Variants in FRS2 observed in about 807,000 individuals in gnomAD.
FRS2 encodes the protein FGFR signalling adaptor.
A neutral mutation model predicts 43.9 loss-of-function variants in FRS2; 8 were observed. That is an observed-to-expected ratio of 0.18 (90% CI 0.11 to 0.33). FRS2 has a LOEUF of 0.33. Ranked by LOEUF, FRS2 falls within the 10% of genes least tolerant of loss-of-function variation. The pLI, the probability that FRS2 is intolerant of heterozygous loss-of-function variation, is 1.00. For synonymous variants in FRS2, 219 were observed against 220.3 expected (o/e 0.99, Z 0.05); for missense variants, 534 against 627.6 (o/e 0.85, Z 1.59).
At chr12:69,488,135 C>T (rs1325923865) in intron 1 of FRS2, among the ~76,000 whole-genome samples, 1 of 152,170 alleles carries the variant, frequency 6.6e-6, no homozygotes, top group Non-Finnish European at 1.5e-5. Context: ...GTTGATAAAG[C>T]AGTGACAGGG....
chr12:69,495,483 C>T (rs998308182), intron 1 of FRS2, among the ~76,000 whole-genome samples: 2 of 152,048 alleles, frequency 1.3e-5, no homozygotes, highest in Non-Finnish European at 2.9e-5. Context: ...TAAATATTTC[C>T]TTGTTGTATG....
intron 1 of FRS2, among the ~76,000 whole-genome samples, chr12:69,481,807 T>C (rs963794806): frequency 6.6e-6 from 1 of 152,194 alleles, no homozygotes; most frequent in African/African-American, 2.4e-5. Context: ...AGTCAGGTTA[T>C]GTTTAGTCAG....
chr12:69,572,192 C>A lies in FRS2; in HGVS notation c.487C>A (p.Pro163Thr). The change falls in exon 8 of 9, where the codon CCG (proline) becomes ACG (threonine). Residue 163 changes from proline (P) to threonine (T), a missense_variant. Coordinates refer to ENST00000549921, the MANE Select transcript of FRS2 (RefSeq NM_001278356.2). The part of the protein sequence containing the change: ...YPSFGDASSH[P>T]SSRHPSVGSA... The stretch of plus-strand genomic sequence containing the variant: ...CTCATTTGGAGATGCTTCATCCCAT[C>A]CGTCAAGCAGACATCCTTCTGTGGG... The A allele has an allele frequency of 6.2e-7, 1 of 1,612,632 alleles. No homozygotes were observed. Among genetic ancestry groups the A allele is most frequent in the Non-Finnish European group, 8.5e-7 (1 of 1,178,686 alleles).
chr12:69,551,168 T>A (rs184466544), intron 3 of FRS2, among the ~76,000 whole-genome samples: 1 of 152,246 alleles, frequency 6.6e-6, no homozygotes, highest in Non-Finnish European at 1.5e-5. Context: ...TTGGGCAACA[T>A]TGTGAGACCT....
chr12:69,516,205 T>C (rs1195523210), intron 1 of FRS2, among the ~76,000 whole-genome samples: 1 of 150,336 alleles, frequency 6.7e-6, no homozygotes, highest in Non-Finnish European at 1.5e-5. Context: ...AGATTATTAT[T>C]ATTATTATTA....
At position 69,568,386 on chromosome 12, in the gene FRS2, T is replaced by C. The variant is rs1880468451; in HGVS notation, c.-26-619T>C. Among the ~76,000 whole-genome samples, 4 of 152,274 alleles carry C rather than the reference T, an allele frequency of 2.6e-5. No individual in the cohort carries two copies. In the South Asian group the frequency reaches 6.2e-4, roughly 24 times the overall value. On this transcript the variant is annotated intron_variant, in intron 4 of 8. Coordinates refer to ENST00000549921, the MANE Select transcript of FRS2 (RefSeq NM_001278356.2). ...CCAAGCCAGAAGTTCACCATCCCTT[T>C]GGTGATTTTTTATTTAAAGAACAAG...
chr12:69,556,325 T>TTTTC (rs147195769), intron 3 of FRS2, among the ~76,000 whole-genome samples: 39,603 of 150,628 alleles, frequency 0.26, 5,975 homozygotes, highest in South Asian at 0.52. Context: ...TTTAATTTAC[T>TTTTC]TTTCTTTCTT....
chr12:69,510,098 T>A (rs972680605), intron 1 of FRS2, among the ~76,000 whole-genome samples: 4 of 152,190 alleles, frequency 2.6e-5, no homozygotes, highest in African/African-American at 9.7e-5. Context: ...TTTCTCTCCC[T>A]AGCATACCTC....
intron 1 of FRS2, among the ~76,000 whole-genome samples, chr12:69,527,494 T>G (rs1408996862): frequency 6.6e-6 from 1 of 151,910 alleles, no homozygotes; most frequent in Non-Finnish European, 1.5e-5. Context: ...TTAAGCAAAT[T>G]TTTACATAAA....
rs1053641829 is a variant in FRS2, at chr12:69,512,018, G to GA, written c.-260-18845dup. 6.9e-4 allele frequency among the ~76,000 whole-genome samples: 105 copies of GA among 152,270 alleles called. 3 individuals carry two copies. The highest frequency in any genetic ancestry group is 6.7e-3 in the Admixed American group (102 of 15,290). ...CCATTGCTTTGTAACAGAGGTTTCT[G>GA]AAGCCTTTGCCAGACTCCACAGAGC... On this transcript the variant is annotated intron_variant, in intron 1 of 8. Coordinates refer to ENST00000549921, the MANE Select transcript of FRS2 (RefSeq NM_001278356.2).
At chr12:69,510,470 A>G (rs1044507417) in intron 1 of FRS2, among the ~76,000 whole-genome samples, 1 of 152,178 alleles carries the variant, frequency 6.6e-6, no homozygotes, top group African/African-American at 2.4e-5. Context: ...TTGGCCCATG[A>G]TAGATAATAA....
intron 1 of FRS2, among the ~76,000 whole-genome samples, chr12:69,507,704 A>C (rs1874068853): frequency 6.6e-6 from 1 of 152,076 alleles, no homozygotes; most frequent in East Asian, 1.9e-4. Context: ...TATTTAGTTG[A>C]TGAATTTGTG....
chr12:69,517,957 T>C (rs182351339), intron 1 of FRS2, among the ~76,000 whole-genome samples: 9 of 152,270 alleles, frequency 5.9e-5, no homozygotes. Context: ...CCTCTTCTTC[T>C]TAGCATTTTT....
chr12:69,574,641 C>A lies in FRS2; in HGVS notation c.1213C>A (p.His405Asn). ...GAATGTAACAGTGCCAGCAAGTGCT[C>A]ACAAAATAGAATATTCAAGGCGTCG... ...TENVTVPASA[H>N]KIEYSRRRDC... Residue 405 changes from histidine (H) to asparagine (N), a missense_variant, in exon 9 of 9, where the codon CAC becomes AAC. Physicochemically the swap from His to Asn is moderately conservative, Grantham distance 68. Coordinates refer to ENST00000549921, the MANE Select transcript of FRS2 (RefSeq NM_001278356.2). 1.9e-6 allele frequency: 3 copies of A among 1,614,104 alleles called. No individual in the cohort carries two copies. Among genetic ancestry groups the A allele is most frequent in the Non-Finnish European group, 1.7e-6 (2 of 1,179,988 alleles).
chr12:69,538,665 T>C (rs1877576200), intron 3 of FRS2, among the ~76,000 whole-genome samples: 1 of 152,194 alleles, frequency 6.6e-6, no homozygotes, highest in Admixed American at 6.5e-5. Context: ...CTATTGGACT[T>C]CCTCTTTTAT....
chr12:69,541,796 A>T (rs1006990282), intron 3 of FRS2, among the ~76,000 whole-genome samples: 10 of 146,246 alleles, frequency 6.8e-5, no homozygotes, highest in Non-Finnish European at 1.5e-5. Flanking sequence ...CTGCACTCCA[A>T]CCTGGGCGAC....
intron 1 of FRS2, among the ~76,000 whole-genome samples, chr12:69,526,649 T>A (rs937318493): frequency 2.0e-5 from 3 of 151,872 alleles, no homozygotes; most frequent in African/African-American, 7.2e-5. Flanking sequence ...ACTTTAAAGA[T>A]AATTTAACAT....
In FRS2 at chr12:69,551,482, T is replaced by C. The variant is rs76738665; in HGVS notation, c.-121-10698T>C. ...TTACCTTCACCATGGAAGATTGATA[T>C]ATGTTTAAATTAAGATCCAGATAAA... is the stretch of plus-strand genomic sequence containing the variant. On this transcript the variant is annotated intron_variant, in intron 3 of 8. Transcript: ENST00000549921. Among the ~76,000 whole-genome samples, 999 of 152,312 alleles carry C rather than the reference T, an allele frequency of 6.6e-3. 10 individuals are homozygous for C. The highest frequency in any genetic ancestry group is 0.023 in the African/African-American group (961 of 41,574).
At chr12:69,527,580 A>G (rs531479837) in intron 1 of FRS2, among the ~76,000 whole-genome samples, 19 of 152,152 alleles carry the variant, frequency 1.2e-4, no homozygotes, top group Non-Finnish European at 1.8e-4. Flanking sequence ...AGTTTACTGC[A>G]GATTATAATA....
Sources: gnomAD v4.1 joint callset for allele counts (sites outside exome capture counted in the v4.1 genomes callset) on GRCh38, gnomAD v4.1.1 for gene constraint, MANE v1.5 for transcripts, NCBI Gene and HGNC (gene_info 2026-07-23, HGNC 2026-07-21) for gene names.